The following PDE6H variants were observed in gnomAD, a reference collection of about 807,000 sequenced individuals.
PDE6H encodes phosphodiesterase 6H.
PDE6H carries 11 observed loss-of-function variants against 9.2 expected under a neutral mutation model. The observed-to-expected ratio is 1.19, with a 90% confidence interval of 0.75 to 1.97. The LOEUF is 1.97. Ranked by LOEUF, PDE6H falls within the 30% of genes most tolerant of loss-of-function variation. PDE6H has a pLI of 0.00. For synonymous variants in PDE6H, 36 were observed against 33.6 expected, an observed-to-expected ratio of 1.07 and a Z score of -0.25; for missense variants, 98 against 101.5, an observed-to-expected ratio of 0.97 and a Z score of 0.15.
intron 1 of PDE6H, among the ~76,000 whole-genome samples, chr12:14,974,656 T>C (rs1455258357): frequency 6.6e-6 from 1 of 152,216 alleles, no homozygotes; most frequent in Non-Finnish European, 1.5e-5. Context: ...GGGGTTGCTG[T>C]TGGGGTGTCA....
At chr12:14,975,333 T>C (rs1375219225) in intron 1 of PDE6H, among the ~76,000 whole-genome samples, 3 of 151,182 alleles carry the variant, frequency 2.0e-5, no homozygotes, top group Admixed American at 6.6e-5. Context: ...AAAAAATTAT[T>C]TCTTTGTAAT....
At chr12:14,981,137 C>T (rs1052828389) in intron 3 of PDE6H, among the ~76,000 whole-genome samples, 2 of 152,198 alleles carry the variant, frequency 1.3e-5, no homozygotes, top group African/African-American at 2.4e-5. Flanking sequence ...GTGGGCTGTA[C>T]CCCACAGGGA....
At chr12:14,975,045 C>A (rs1266949581) in intron 1 of PDE6H, among the ~76,000 whole-genome samples, 1 of 152,144 alleles carries the variant, frequency 6.6e-6, no homozygotes, top group African/African-American at 2.4e-5. Flanking sequence ...GAAATTTATC[C>A]TAAGTCACGT....
chr12:14,975,360 G>A (rs969768217), intron 1 of PDE6H, among the ~76,000 whole-genome samples: 14 of 112,394 alleles, frequency 1.2e-4, no homozygotes, highest in African/African-American at 5.4e-4. Flanking sequence ...TGAACTGGGT[G>A]TCTTGTAATT....
chr12:14,981,481 C>A lies in PDE6H; in HGVS notation c.*5C>A. The A allele has an allele frequency of 1.2e-6, 2 of 1,603,078 alleles. No homozygotes were observed. The highest frequency in any genetic ancestry group is 8.5e-7 in the Non-Finnish European group (1 of 1,169,860). On this transcript the variant is annotated 3_prime_UTR_variant, in exon 4 of 4. Transcript: ENST00000266395. ...GCTCAGTTTGGGATTATCTGAAGTG[C>A]CAGAGGTTCTGCCACTCTCAATGAC... is the stretch of plus-strand genomic sequence containing the variant.
At chr12:14,980,900 T>C (rs1864672322) in intron 3 of PDE6H, among the ~76,000 whole-genome samples, 1 of 152,238 alleles carries the variant, frequency 6.6e-6, no homozygotes, top group African/African-American at 2.4e-5. Context: ...TAAAAGATGC[T>C]TTGTGATCGT....
chr12:14,981,388 C>A lies in PDE6H; in HGVS notation c.176-12C>A. 1.3e-6 allele frequency: 2 copies of A among 1,585,328 alleles called. No individual in the cohort carries two copies. Among genetic ancestry groups the A allele is most frequent in the Non-Finnish European group, 1.7e-6 (2 of 1,153,972 alleles). On this transcript the variant is annotated splice_polypyrimidine_tract_variant and intron_variant, in intron 3 of 3. Transcript: ENST00000266395. ...GAGGTTGGCTTACGTGCTCTTCTTCCATCTCTTGCAGATATCACAGTGATT... is the reference window on the plus strand; with the variant it reads ...GAGGTTGGCTTACGTGCTCTTCTTCAATCTCTTGCAGATATCACAGTGATT...
intron 3 of PDE6H, among the ~76,000 whole-genome samples, chr12:14,980,335 G>A (rs77902651): frequency 0.091 from 13,851 of 152,236 alleles, 990 homozygotes; most frequent in Admixed American, 0.21. Flanking sequence ...ATCACGGAAT[G>A]ATACTCCATT....
intron 1 of PDE6H, among the ~76,000 whole-genome samples, chr12:14,974,448 A>T (rs1185408902): frequency 2.6e-5 from 4 of 152,234 alleles, no homozygotes; most frequent in Non-Finnish European, 5.9e-5. Context: ...ATTAGGATCA[A>T]GGGATTAACC....
Position 14,981,553 on chromosome 12 carries a change from C to G in PDE6H, c.*77C>G, listed in dbSNP as rs886049109. 2 of 951,324 alleles carry G rather than the reference C, an allele frequency of 2.1e-6. No individual in the cohort carries two copies. Among genetic ancestry groups the G allele is most frequent in the Non-Finnish European group, 3.5e-6 (2 of 579,338 alleles). 58.9% of individuals were successfully genotyped at this position (951,324 alleles called of 1,614,324 possible). ...TTTTGCCCTGTTGATCTGCCGGAGT[C>G]TTGAAATTCAGCTGATTGGAAGTGG... On this transcript the variant is annotated 3_prime_UTR_variant, in exon 4 of 4. Coordinates refer to ENST00000266395, the MANE Select transcript of PDE6H (RefSeq NM_006205.3).
intron 2 of PDE6H, 43 bp downstream of exon 2, chr12:14,978,189 T>C: frequency 6.3e-7 from 1 of 1,586,906 alleles, no homozygotes; most frequent in Admixed American, 1.7e-5. Flanking sequence ...TACTTTCTTT[T>C]TCCCACAAGA....
At chr12:14,975,950 A>G (rs1864587983) in intron 1 of PDE6H, among the ~76,000 whole-genome samples, 1 of 151,088 alleles carries the variant, frequency 6.6e-6, no homozygotes, top group South Asian at 2.1e-4. Context: ...CCTCCCAAGT[A>G]GCTGGGACTA....
At chr12:14,976,841 G>A (rs1192871026) in intron 1 of PDE6H, among the ~76,000 whole-genome samples, 1 of 152,172 alleles carries the variant, frequency 6.6e-6, no homozygotes, top group Non-Finnish European at 1.5e-5. Flanking sequence ...GTTCTCTGGG[G>A]CTTTTCAGGA....
intron 1 of PDE6H, among the ~76,000 whole-genome samples, chr12:14,974,816 C>T (rs1273213202): frequency 6.6e-6 from 1 of 152,170 alleles, no homozygotes; most frequent in Non-Finnish European, 1.5e-5. Flanking sequence ...AGCAGTTGGC[C>T]CAGAGGAAGG....
intron 1 of PDE6H, among the ~76,000 whole-genome samples, chr12:14,976,783 T>A (rs11056268): frequency 0.55 from 82,954 of 151,926 alleles, 23,320 homozygotes; most frequent in African/African-American, 0.67. Flanking sequence ...CACACACTAG[T>A]TTTTATAGAG....
intron 1 of PDE6H, among the ~76,000 whole-genome samples, chr12:14,977,044 G>A (rs1043944276): frequency 7.9e-5 from 12 of 152,224 alleles, no homozygotes; most frequent in Non-Finnish European, 1.5e-4. Context: ...GGATAGGTCC[G>A]TGGTGTGGAT....
chr12:14,978,086 A>G lies in PDE6H; in HGVS notation c.74A>G (p.Lys25Arg). The G allele has an allele frequency of 1.9e-6, 3 of 1,613,786 alleles. No individual in the cohort carries two copies. The highest frequency in any genetic ancestry group is 2.5e-6 in the Non-Finnish European group (3 of 1,179,904). ...GPTTPRKGPP[K>R]FKQRQTRQFK... ...ACCACCCCACGCAAAGGCCCTCCCA[A>G]GTTCAAGCAGAGGCAGACTCGCCAA... Residue 25 changes from lysine to arginine, a missense_variant, in exon 2 of 4, where the codon AAG becomes AGG. Physicochemically the swap from Lys to Arg is conservative, Grantham distance 26. Coordinates refer to ENST00000266395, the MANE Select transcript of PDE6H (RefSeq NM_006205.3).
At chr12:14,976,647 A>G (rs1864600469) in intron 1 of PDE6H, among the ~76,000 whole-genome samples, 1 of 152,060 alleles carries the variant, frequency 6.6e-6, no homozygotes, top group African/African-American at 2.4e-5. Context: ...TATGATTGCA[A>G]TTGCACCACT....
At chr12:14,977,946 C>CT (rs921025869) in intron 1 of PDE6H, 26 bp from the exon 2 acceptor site, 79 of 1,513,990 alleles carry the variant, frequency 5.2e-5, no homozygotes, top group African/African-American at 3.2e-4. Context: ...GAAAGATCTT[C>CT]TTTTTTTTAT....
Sources: gnomAD v4.1 joint callset for allele counts (sites outside exome capture counted in the v4.1 genomes callset) on GRCh38, gnomAD v4.1.1 for gene constraint, MANE v1.5 for transcripts, NCBI Gene and HGNC (gene_info 2026-07-23, HGNC 2026-07-21) for gene names.